GSE1: variants seen among roughly 807,000 people sequenced by gnomAD.
GSE1 encodes genetic suppressor element 1.
In GSE1, 32 loss-of-function variants were observed where a neutral mutation model predicts 112.6. The ratio of observed to expected loss-of-function variants is 0.28; its 90% CI spans 0.21 to 0.38. GSE1 has a LOEUF of 0.38. GSE1 is among the 10% of genes least tolerant of loss of function. The pLI is 1.00. For missense variants in GSE1, 2,348 were observed against 1,699.2 expected, an observed-to-expected ratio of 1.38 and a Z score of -6.71; for synonymous variants, 1,115 against 735.6, an observed-to-expected ratio of 1.52 and a Z score of -8.35.
intron 1 of GSE1, among the ~76,000 whole-genome samples, chr16:85,587,500 T>C (rs1393218935): frequency 6.6e-6 from 1 of 152,128 alleles, no homozygotes; most frequent in African/African-American, 2.4e-5. Context: ...AGGGACACCG[T>C]GCACCTGCTG....
chr16:85,617,093 G>A, intron 1 of GSE1, among the ~76,000 whole-genome samples: 1 of 152,214 alleles, frequency 6.6e-6, no homozygotes, highest in Non-Finnish European at 1.5e-5. Context: ...GTCCTAGCAT[G>A]GGCCATCCCG....
rs1235679961 is a variant in GSE1 at position 85,171,324 on chromosome 16, G to T, written c.1800G>T (p.Leu600=). 4.1e-6 allele frequency: 4 copies of T among 985,380 alleles called. No individual in the cohort carries two copies. In the African/African-American group the frequency reaches 5.2e-5, roughly 13 times the overall value. 61.0% of individuals were successfully genotyped at this position (985,380 alleles called of 1,614,324 possible). ...TCTGCTACATCTGTGGGGCTGAGCT[G>T]GGCCCCGGGAAGGAGTTCCAGCTCA... Residue 600 remains leucine, a synonymous_variant, in exon 1 of 3, where the codon CTG becomes CTT. Coordinates refer to the GSE1 transcript ENST00000637419.
At chr16:85,549,761 G>A (rs924571214) in intron 2 of GSE1, among the ~76,000 whole-genome samples, 1 of 152,196 alleles carries the variant, frequency 6.6e-6, no homozygotes, top group African/African-American at 2.4e-5. Flanking sequence ...GACTAGAGCC[G>A]GACAGAAAGA....
chr16:85,186,209 G>C (rs149940463), intron 1 of GSE1, among the ~76,000 whole-genome samples: 1 of 152,138 alleles, frequency 6.6e-6, no homozygotes, highest in African/African-American at 2.4e-5. Flanking sequence ...AGTGGCTCAC[G>C]TCTGTAATCC....
At chr16:85,445,825 G>T (rs1008901996) in intron 2 of GSE1, among the ~76,000 whole-genome samples, 1 of 152,144 alleles carries the variant, frequency 6.6e-6, no homozygotes, top group Non-Finnish European at 1.5e-5. Flanking sequence ...TTCTGCTGGG[G>T]GCCCGCCTTG....
At chr16:85,671,133 C>T (rs758741762) in intron 15 of GSE1, 35 bp downstream of exon 15, 1 of 1,219,924 alleles carries the variant, frequency 8.2e-7, no homozygotes, top group Non-Finnish European at 1.2e-6. Flanking sequence ...TTCAAACACG[C>T]AACCTTTTGA....
intron 1 of GSE1, among the ~76,000 whole-genome samples, chr16:85,312,397 G>A (rs1228244681): frequency 6.6e-6 from 1 of 152,158 alleles, no homozygotes; most frequent in Non-Finnish European, 1.5e-5. Context: ...GACCCGTCCT[G>A]CCTCTTCCAG....
intron 1 of GSE1, among the ~76,000 whole-genome samples, chr16:85,245,799 G>A (rs1278275691): frequency 6.6e-6 from 1 of 152,094 alleles, no homozygotes; most frequent in Non-Finnish European, 1.5e-5. Context: ...GGCAGTTCCA[G>A]GACATGGACT....
intron 13 of GSE1, among the ~76,000 whole-genome samples, chr16:85,667,091 G>C (rs1279814905): frequency 6.6e-6 from 1 of 152,218 alleles, no homozygotes; most frequent in Non-Finnish European, 1.5e-5. Flanking sequence ...GGAGGTTCTG[G>C]AGCCAGTTCT....
chr16:85,303,550 A>G (rs1321734402), intron 1 of GSE1, among the ~76,000 whole-genome samples: 1 of 152,194 alleles, frequency 6.6e-6, no homozygotes, highest in African/African-American at 2.4e-5. Context: ...GACCTTCCCG[A>G]CAACTGAGGG....
intron 2 of GSE1, among the ~76,000 whole-genome samples, chr16:85,639,601 G>A (rs1237367261): frequency 1.3e-5 from 2 of 152,248 alleles, no homozygotes; most frequent in African/African-American, 2.4e-5. Context: ...CCCCGAGGGT[G>A]CCCCGGGAAC....
intron 1 of GSE1, among the ~76,000 whole-genome samples, chr16:85,313,112 C>T (rs1472640115): frequency 6.6e-6 from 1 of 152,192 alleles, no homozygotes; most frequent in East Asian, 1.9e-4. Context: ...GGAGGGAAGC[C>T]TGTGGGGCCT....
At chr16:85,617,594 C>CCA in intron 1 of GSE1, among the ~76,000 whole-genome samples, 1 of 60,766 alleles carries the variant, frequency 1.6e-5, no homozygotes, top group Non-Finnish European at 3.4e-5. Flanking sequence ...GTGTGTCAAC[C>CCA]CTCCCCCCCC....
At chr16:85,403,997 A>G (rs117017591) in intron 2 of GSE1, among the ~76,000 whole-genome samples, 6,014 of 134,616 alleles carry the variant, frequency 0.045, 182 homozygotes, top group Non-Finnish European at 0.065. Context: ...AGGCATCTTC[A>G]CCTCCCTCTC....
intron 1 of GSE1, among the ~76,000 whole-genome samples, chr16:85,257,108 G>T (rs1416673220): frequency 6.6e-6 from 1 of 152,128 alleles, no homozygotes; most frequent in Non-Finnish European, 1.5e-5. Flanking sequence ...AGAACAACTG[G>T]AACAATGCTC....
intron 1 of GSE1, among the ~76,000 whole-genome samples, chr16:85,295,385 G>A (rs865998714): frequency 6.6e-6 from 1 of 152,220 alleles, no homozygotes; most frequent in Non-Finnish European, 1.5e-5. Context: ...GTGCTGCAGC[G>A]CGGGTCAGCA....
intron 1 of GSE1, among the ~76,000 whole-genome samples, chr16:85,198,985 C>T (rs1299348586): frequency 6.6e-6 from 1 of 151,610 alleles, no homozygotes; most frequent in African/African-American, 2.4e-5. Context: ...CGCTCTGTTG[C>T]CCAGGCTGGA....
In GSE1 at chr16:85,396,623, G is replaced by C. The variant is rs541580922; in HGVS notation, c.2464+38980G>C. Among the ~76,000 whole-genome samples the C allele has an allele frequency of 5.9e-5, 9 of 152,344 alleles. 1 individual carries two copies. The highest frequency in any genetic ancestry group is 5.9e-4 in the Admixed American group (9 of 15,298). On this transcript the variant is annotated intron_variant, in intron 2 of 2. Coordinates refer to the GSE1 transcript ENST00000637419. ...GAACGGGCAGCTTCCTCCTCCCTCC[G>C]ATTGGGAGCAGGATTTCTGCTCAGT... is the stretch of plus-strand genomic sequence containing the variant.
At chr16:85,339,233 T>C (rs1364763387) in intron 1 of GSE1, among the ~76,000 whole-genome samples, 1 of 152,196 alleles carries the variant, frequency 6.6e-6, no homozygotes, top group Non-Finnish European at 1.5e-5. Context: ...CCCAGTGATC[T>C]GTTCTAGAGT....
Sources: allele counts gnomAD v4.1 joint callset (sites outside exome capture counted in the v4.1 genomes callset), GRCh38; gene constraint gnomAD v4.1.1; transcripts MANE v1.5; gene names NCBI Gene and HGNC (gene_info 2026-07-23, HGNC 2026-07-21).